ERI3: variants seen among roughly 807,000 people sequenced by gnomAD.
The protein encoded by ERI3 is ERI1 exoribonuclease 3.
ERI3 carries 18 observed loss-of-function variants against 44.4 expected under a neutral mutation model. That is an observed-to-expected ratio of 0.41 (90% CI 0.28 to 0.60). The LOEUF (loss-of-function observed/expected upper bound fraction) is 0.60. ERI3 is among the 20% of genes least tolerant of loss of function. The pLI is 0.36. For synonymous variants in ERI3, 183 were observed against 164.8 expected (o/e 1.11, Z -0.84); for missense variants, 294 against 435.5 (o/e 0.68, Z 2.89).
intron 8 of ERI3, among the ~76,000 whole-genome samples, chr1:44,233,099 C>T (rs949859268): frequency 1.4e-4 from 22 of 152,158 alleles, no homozygotes; most frequent in African/African-American, 5.3e-4. Context: ...AAATCACAAC[C>T]ATATAGACTA....
rs561227277 is a variant in ERI3 at position 44,241,282 on chromosome 1, C to T, written c.931+6657G>A. 6.6e-6 allele frequency among the ~76,000 whole-genome samples: 1 copy of T among 152,048 alleles called. No individual in the cohort carries two copies. The highest frequency in any genetic ancestry group is 1.5e-5 in the Non-Finnish European group (1 of 68,010). The stretch of plus-strand genomic sequence containing the variant: ...GAGAGGGGATAAGGAGGAAAATAAA[C>T]TGAAATGAAGTCCGGTTATCTCCCA... On this transcript the variant is annotated intron_variant, in intron 8 of 8. Transcript: ENST00000372257. The surrounding 1 kb of genome is among the most constrained non-coding windows in gnomAD (Gnocchi z 5.6).
At chr1:44,225,986 CCT>C (rs1644029364) in intron 8 of ERI3, among the ~76,000 whole-genome samples, 1 of 152,108 alleles carries the variant, frequency 6.6e-6, no homozygotes, top group Non-Finnish European at 1.5e-5. Flanking sequence ...CAAAGACAGC[CCT>C]GTCAGGTGTG....
chr1:44,234,442 T>C (rs1644257986), intron 8 of ERI3, among the ~76,000 whole-genome samples: 1 of 151,578 alleles, frequency 6.6e-6, no homozygotes, highest in South Asian at 2.1e-4. Context: ...GGTGGGCAAA[T>C]CACGAGGTCA....
rs373639994 is a variant in ERI3 at position 44,255,967 on chromosome 1, TTA to T, written c.832-7931_832-7930del. 2.4e-4 allele frequency among the ~76,000 whole-genome samples: 37 copies of T among 152,278 alleles called. No individual in the cohort carries two copies. In the East Asian group the frequency reaches 5.8e-3, roughly 24 times the overall value. ...CATTCAATTCAAAAAGTACCTTCCT[TTA>T]TAGTCTTTCCTGGCTCATCCCTCCT... On this transcript the variant is annotated intron_variant, in intron 7 of 8. Transcript: ENST00000372257.
chr1:44,336,817 A>G (rs893977837), intron 3 of ERI3, among the ~76,000 whole-genome samples: 17 of 152,208 alleles, frequency 1.1e-4, no homozygotes, highest in Admixed American at 3.3e-4. Context: ...AGGGCAGCCA[A>G]TTCCTTAAGT....
chr1:44,275,569 G>A (rs1263059342), intron 7 of ERI3, among the ~76,000 whole-genome samples: 1 of 152,200 alleles, frequency 6.6e-6, no homozygotes, highest in Non-Finnish European at 1.5e-5. Context: ...CCCTCCCAGG[G>A]GAGAGGGAGA....
intron 2 of ERI3, among the ~76,000 whole-genome samples, chr1:44,348,203 C>T (rs1240546761): frequency 1.3e-5 from 2 of 152,056 alleles, no homozygotes; most frequent in African/African-American, 2.4e-5. Flanking sequence ...TTCTGTCCTC[C>T]CTAGTTAAAA....
intron 2 of ERI3, among the ~76,000 whole-genome samples, chr1:44,342,832 T>TATAA (rs1553201392): frequency 1.2e-4 from 3 of 24,242 alleles, no homozygotes; most frequent in African/African-American, 5.8e-4. Context: ...TATATATATA[T>TATAA]ATATATATAT....
At chr1:44,344,273 AAAT>A (rs1646742062) in intron 2 of ERI3, among the ~76,000 whole-genome samples, 1 of 138,346 alleles carries the variant, frequency 7.2e-6, no homozygotes, top group African/African-American at 2.5e-5. Context: ...ATAAATAAAT[AAAT>A]AAAATTGTTT....
intron 8 of ERI3, among the ~76,000 whole-genome samples, chr1:44,229,052 G>A (rs1394462875): frequency 1.3e-5 from 2 of 152,222 alleles, no homozygotes; most frequent in African/African-American, 4.8e-5. Flanking sequence ...GAAGCTACAG[G>A]CCTAGACCAG....
intron 6 of ERI3, among the ~76,000 whole-genome samples, chr1:44,295,437 C>T (rs1414979509): frequency 1.3e-5 from 2 of 152,190 alleles, no homozygotes; most frequent in African/African-American, 4.8e-5. Context: ...GTCTTTCTGT[C>T]CTGATCACTT....
intron 6 of ERI3, among the ~76,000 whole-genome samples, chr1:44,288,716 A>G (rs1333086536): frequency 6.6e-6 from 1 of 152,176 alleles, no homozygotes; most frequent in Non-Finnish European, 1.5e-5. Context: ...AGTCCCTGGG[A>G]AGGCAAAGCC....
At position 44,314,075 on chromosome 1, in the gene ERI3, C is replaced by A. The variant is rs185813793; in HGVS notation, c.607-847G>T. ...CTGGACACCAACTGGAAATCACCAC[C>A]CCCAGCATGTCCCTGGCTACTTCCA... On this transcript the variant is annotated intron_variant, in intron 4 of 8. Transcript: ENST00000372257. Among the ~76,000 whole-genome samples the A allele has an allele frequency of 2.0e-5, 3 of 152,240 alleles. No individual in the cohort carries two copies. In the East Asian group the frequency reaches 5.8e-4, roughly 29 times the overall value.
At position 44,246,434 on chromosome 1, in the gene ERI3, G is replaced by A. The variant is rs116679940; in HGVS notation, c.931+1505C>T. Among the ~76,000 whole-genome samples the A allele has an allele frequency of 7.8e-3, 1,181 of 152,288 alleles. 15 individuals carry two copies. Among genetic ancestry groups the A allele is most frequent in the African/African-American group, 0.026 (1,097 of 41,550 alleles). On this transcript the variant is annotated intron_variant, in intron 8 of 8. Transcript: ENST00000372257. ...TTTGGCGTCTTCTCTAGATTGTTTGGAAAACATCTGTGAAACATCTATGCG... is the reference window on the plus strand; with the variant it reads ...TTTGGCGTCTTCTCTAGATTGTTTGAAAAACATCTGTGAAACATCTATGCG...
chr1:44,270,965 C>T (rs562912329), intron 7 of ERI3, among the ~76,000 whole-genome samples: 3 of 152,236 alleles, frequency 2.0e-5, no homozygotes, highest in Admixed American at 6.5e-5. Flanking sequence ...AATTGATTCC[C>T]CACATTTACC....
In ERI3 at chr1:44,244,216, AG is replaced by A. The variant is rs562422748; in HGVS notation, c.931+3722del. 4.3e-3 allele frequency: 654 copies of A among 153,160 alleles called. 3 individuals carry two copies. Among genetic ancestry groups the A allele is most frequent in the Non-Finnish European group, 6.5e-3 (440 of 68,064 alleles). 9.5% of individuals were successfully genotyped at this position (153,160 alleles called of 1,614,324 possible). On this transcript the variant is annotated intron_variant, in intron 8 of 8. Transcript: ENST00000372257. ...GACCATCGGCAGCCCTGGAGTCAGC[AG>A]TTCTAGATGCATGCAGGCCCTACTC...
intron 6 of ERI3, among the ~76,000 whole-genome samples, chr1:44,294,089 G>C (rs1327252878): frequency 6.6e-6 from 1 of 152,218 alleles, no homozygotes; most frequent in Non-Finnish European, 1.5e-5. Context: ...GCTGTGCAGG[G>C]GGCAAATGAC....
In ERI3 at chr1:44,221,717, G is replaced by A; in HGVS notation, c.932-77C>T. On this transcript the variant is annotated intron_variant, in intron 8 of 8. Transcript: ENST00000372257. This position sits in a 1 kb window ranked among gnomAD's most constrained non-coding sequence, Gnocchi z 5.9. ...CCCACAGGTGCTCTTACAAGGGTGG[G>A]GGTGGGAAGCAGGGTCAGATTCAGG... is the stretch of plus-strand genomic sequence containing the variant. The A allele has an allele frequency of 8.2e-7, 1 of 1,224,056 alleles. No homozygotes were observed. The highest frequency in any genetic ancestry group is 1.2e-5 in the South Asian group (1 of 81,258). The allele number at this position is 1,224,056 out of a possible 1,614,324, so 75.8% of individuals were successfully genotyped here.
At chr1:44,351,166 T>C (rs2154332438) in intron 2 of ERI3, among the ~76,000 whole-genome samples, 1 of 152,132 alleles carries the variant, frequency 6.6e-6, no homozygotes, top group African/African-American at 2.4e-5. Context: ...CCCAAGTAGC[T>C]GGGATTATAG....
Sources: allele counts gnomAD v4.1 joint callset (sites outside exome capture counted in the v4.1 genomes callset), GRCh38; gene constraint gnomAD v4.1.1; non-coding constraint Gnocchi (gnomAD v3.1); transcripts MANE v1.5; gene names NCBI Gene and HGNC (gene_info 2026-07-23, HGNC 2026-07-21).